ANKRD11: variants seen among roughly 807,000 people sequenced by gnomAD.
ANKRD11 encodes ankyrin repeat domain 11.
A neutral mutation model predicts 195.7 loss-of-function variants in ANKRD11; 17 were observed. That is an observed-to-expected ratio of 0.09 (90% CI 0.06 to 0.13). ANKRD11 has a LOEUF of 0.13. ANKRD11 is among the 10% of genes least tolerant of loss of function. The pLI is 1.00. For synonymous variants in ANKRD11, 1,953 were observed against 1,528.1 expected (o/e 1.28, Z -6.49); for missense variants, 3,735 against 3,566.1 (o/e 1.05, Z -1.21).
At chr16:89,323,202 T>TCCG in intron 2 of ANKRD11, 1 of 783,680 alleles carries the variant, frequency 1.3e-6, no homozygotes, top group South Asian at 1.5e-5. Flanking sequence ...GGGAGAGAAG[T>TCCG]CTCCAACGGA....
intron 2 of ANKRD11, among the ~76,000 whole-genome samples, chr16:89,355,213 C>G (rs2039413677): frequency 6.6e-6 from 1 of 152,036 alleles, no homozygotes. Flanking sequence ...GGGAGGCGGG[C>G]AGAGGGCTCA....
intron 1 of ANKRD11, among the ~76,000 whole-genome samples, chr16:89,447,904 A>C (rs1025963724): frequency 2.0e-5 from 3 of 150,348 alleles, no homozygotes; most frequent in Non-Finnish European, 4.4e-5. Context: ...TCCCAGGTTC[A>C]AGCAATTGTC....
chr16:89,285,126 C>T lies in ANKRD11; in HGVS notation c.1416G>A (p.Arg472=). 1 of 1,613,666 alleles carries T rather than the reference C, an allele frequency of 6.2e-7. No individual in the cohort carries two copies. Among genetic ancestry groups the T allele is most frequent in the Non-Finnish European group, 8.5e-7 (1 of 1,180,042 alleles). ...ACTCCGAGGAGCAGAACTTGTCGCT[C>T]CGCTTTCCGAAGCGAACCTCTCTGC... ...TKGREVRFGK[R]SDKFCSSESE... Residue 472 remains arginine (R), a synonymous_variant, in exon 9 of 13, where the codon CGG becomes CGA. Transcript: ENST00000301030. This position sits in a 1 kb window ranked among gnomAD's most constrained non-coding sequence, Gnocchi z 5.6.
At chr16:89,462,430 TCCCAG>T (rs2056712723) in intron 1 of ANKRD11, among the ~76,000 whole-genome samples, 1 of 152,088 alleles carries the variant, frequency 6.6e-6, no homozygotes, top group Admixed American at 6.5e-5. Context: ...AACCTCCACC[TCCCAG>T]CCGCCTGCCT....
chr16:89,294,506 C>T (rs1305786803), intron 4 of ANKRD11, among the ~76,000 whole-genome samples: 2 of 152,182 alleles, frequency 1.3e-5, no homozygotes, highest in Non-Finnish European at 2.9e-5. Context: ...CAGACACCAC[C>T]CAAGCTCCGG....
chr16:89,487,879 T>C lies in ANKRD11; in HGVS notation c.-145+2366A>G, dbSNP rs1367578005. 5.3e-5 allele frequency among the ~76,000 whole-genome samples: 8 copies of C among 152,010 alleles called. No homozygotes were observed. The East Asian group carries it at 1.5e-3, about 29-fold the overall frequency. ...CACTCTATTTGTAGGGAGTTCTACT[T>C]GCCACCGTATCAACACTGTAATTAC... On this transcript the variant is annotated intron_variant, in intron 1 of 12. Transcript: ENST00000301030.
intron 4 of ANKRD11, among the ~76,000 whole-genome samples, chr16:89,297,286 C>T (rs1050798419): frequency 4.6e-5 from 7 of 152,204 alleles, no homozygotes; most frequent in African/African-American, 1.4e-4. Context: ...AACTCGAAGA[C>T]GTCAAAATAC....
At chr16:89,440,201 A>C (rs2043386217) in intron 1 of ANKRD11, among the ~76,000 whole-genome samples, 1 of 152,230 alleles carries the variant, frequency 6.6e-6, no homozygotes, top group South Asian at 2.1e-4. Flanking sequence ...CTCCGGAAGA[A>C]TTCAGTGTGC....
At chr16:89,286,344 C>A in intron 7 of ANKRD11, 158 bp from the exon 8 acceptor site, 2 of 1,070,118 alleles carry the variant, frequency 1.9e-6, no homozygotes, top group South Asian at 1.3e-5. Context: ...CAGGGACTGC[C>A]TGGCGAGGCT....
chr16:89,361,703 A>G (rs1449909549), intron 2 of ANKRD11: 2 of 152,256 alleles, frequency 1.3e-5, no homozygotes, highest in African/African-American at 4.8e-5. Context: ...TCAGTAGAAG[A>G]TCACCACCCA....
chr16:89,466,072 TG>T (rs1195942812), intron 1 of ANKRD11, among the ~76,000 whole-genome samples: 1 of 152,068 alleles, frequency 6.6e-6, no homozygotes, highest in African/African-American at 2.4e-5. Context: ...AAGGAGATTG[TG>T]TCATAAACTC....
rs149818580 is a variant in ANKRD11 at position 89,375,145 on chromosome 16, C to A, written c.-60+43139G>T. 3.9e-3 allele frequency among the ~76,000 whole-genome samples: 592 copies of A among 152,208 alleles called. 5 individuals are homozygous for A. The highest frequency in any genetic ancestry group is 0.014 in the African/African-American group (567 of 41,518). On this transcript the variant is annotated intron_variant, in intron 2 of 12. Transcript: ENST00000301030. The stretch of plus-strand genomic sequence containing the variant: ...ACAACTCAGTGCGGGACATACCACA[C>A]TGCACGCTGTAATGATCTCACAGCC...
At chr16:89,473,888 G>C (rs959511152) in intron 1 of ANKRD11, among the ~76,000 whole-genome samples, 2 of 152,186 alleles carry the variant, frequency 1.3e-5, no homozygotes, top group African/African-American at 4.8e-5. Flanking sequence ...TCCCTTGACT[G>C]GGTTGCATTA....
chr16:89,327,370 G>A (rs193158215), intron 2 of ANKRD11, among the ~76,000 whole-genome samples: 9 of 152,270 alleles, frequency 5.9e-5, no homozygotes, highest in Admixed American at 3.9e-4. Flanking sequence ...CAAGAGTGAC[G>A]TGCTGAGGGC....
In ANKRD11 at chr16:89,282,035, C is replaced by T. The variant is rs537684815; in HGVS notation, c.4507G>A (p.Ala1503Thr). 43 of 1,613,324 alleles carry T rather than the reference C, an allele frequency of 2.7e-5. No homozygotes were observed. In the South Asian group the frequency reaches 3.6e-4, roughly 14 times the overall value. ...LRHHRDEQKP[A>T]TRDKDSPPRV... ...GGCGGGCTGTCCTTGTCCCTGGTGG[C>T]GGGCTTCTGCTCGTCCCTGTGATGC... The change falls in exon 9 of 13, where the codon GCC becomes ACC. Residue 1503 changes from alanine (A) to threonine (T), a missense_variant. Coordinates refer to ENST00000301030, the MANE Select transcript of ANKRD11 (RefSeq NM_013275.6).
rs767827064 is a variant in ANKRD11 at position 89,282,180 on chromosome 16, G to A, written c.4362C>T (p.Asn1454=). The part of the protein sequence containing the change: ...ELKPYGSSAI[N]ILKEKKKREK... ...CTCTCTTCTTCTTCTCTTTTAGGAT[G>A]TTGATGGCACTAGATCCATAAGGCT... Residue 1454 remains asparagine, a synonymous_variant, in exon 9 of 13, where the codon AAC becomes AAT. Coordinates refer to ENST00000301030, the MANE Select transcript of ANKRD11 (RefSeq NM_013275.6). 5.0e-6 allele frequency: 8 copies of A among 1,613,772 alleles called. No homozygotes were observed. Among genetic ancestry groups the A allele is most frequent in the Non-Finnish European group, 6.8e-6 (8 of 1,179,992 alleles).
At chr16:89,337,318 C>T (rs1447807881) in intron 2 of ANKRD11, among the ~76,000 whole-genome samples, 1 of 151,892 alleles carries the variant, frequency 6.6e-6, no homozygotes, top group Non-Finnish European at 1.5e-5. Flanking sequence ...TCCTCCGCCA[C>T]GTGACCAAGC....
intron 1 of ANKRD11, among the ~76,000 whole-genome samples, chr16:89,470,750 T>C (rs1339853346): frequency 8.8e-6 from 1 of 113,534 alleles, no homozygotes. Context: ...AGCACTTTGG[T>C]AGTACCAGGC....
intron 2 of ANKRD11, chr16:89,324,809 G>A (rs1232336846): frequency 3.5e-6 from 1 of 289,458 alleles, no homozygotes; most frequent in East Asian, 1.1e-4. Flanking sequence ...TTTGAGGTTT[G>A]GGGACTCGGA....
Sources: allele counts gnomAD v4.1 joint callset (sites outside exome capture counted in the v4.1 genomes callset), GRCh38; gene constraint gnomAD v4.1.1; non-coding constraint Gnocchi (gnomAD v3.1); transcripts MANE v1.5; gene names NCBI Gene and HGNC (gene_info 2026-07-23, HGNC 2026-07-21).